Variants in MBNL3 observed in about 807,000 individuals in gnomAD.
The protein encoded by MBNL3 is muscleblind-like protein 3.
MBNL3 carries 6 observed loss-of-function variants against 24.5 expected under a neutral mutation model. The ratio of observed to expected loss-of-function variants is 0.25; its 90% CI spans 0.13 to 0.48. The LOEUF (loss-of-function observed/expected upper bound fraction) is 0.48. Among genes scored for constraint, MBNL3 ranks in the 20% least tolerant of loss-of-function variants. The pLI is 0.99. For missense variants in MBNL3, 230 were observed against 293.5 expected (o/e 0.78, Z 1.58); for synonymous variants, 100 against 101.7 (o/e 0.98, Z 0.10).
Position 132,371,796 on chromosome X carries a change from C to T in MBNL3, c.*7870G>A, listed in dbSNP as rs1364925812. The T allele has an allele frequency of 1.5e-4, 17 of 111,156 alleles. No individual in the cohort carries two copies. Among genetic ancestry groups the T allele is most frequent in the African/African-American group, 6.5e-5 (2 of 30,631 alleles). 9.2% of individuals were successfully genotyped at this position (111,156 alleles called of 1,213,427 possible). On this transcript the variant is annotated 3_prime_UTR_variant, in exon 9 of 9. Coordinates refer to ENST00000370853, the MANE Select transcript of MBNL3 (RefSeq NM_001386889.1). ...TATAAGAGTAATAGGTCTAACACAA[C>T]GGATATATTATCTACATAATTCAAA...
At chrX:132,431,728 A>G (rs1055209268) in intron 2 of MBNL3, 2 of 112,045 alleles carry the variant, frequency 1.8e-5, no homozygotes, top group Non-Finnish European at 3.8e-5. Context: ...AAATGAAAGC[A>G]TACATAATAA....
chrX:132,465,444 A>G (rs1411387562), intron 1 of MBNL3, among the ~76,000 whole-genome samples: 4 of 112,428 alleles, frequency 3.6e-5, no homozygotes, highest in Non-Finnish European at 7.5e-5. Flanking sequence ...TCTGTATTAT[A>G]GCACAGGGTA....
chrX:132,379,203 G>T lies in MBNL3; in HGVS notation c.*463C>A, dbSNP rs1357679026. 1 of 116,874 alleles carries T rather than the reference G, an allele frequency of 8.6e-6. No individual in the cohort carries two copies. The highest frequency in any genetic ancestry group is 1.8e-5 in the Non-Finnish European group (1 of 56,746). The allele number at this position is 116,874 out of a possible 1,213,427, so 9.6% of individuals were successfully genotyped here. ...CACAGCACAACACAATACAACACAA[G>T]AAATGGTACTGAATATATTTGTTAC... On this transcript the variant is annotated 3_prime_UTR_variant, in exon 9 of 9. Coordinates refer to ENST00000370853, the MANE Select transcript of MBNL3 (RefSeq NM_001386889.1).
intron 1 of MBNL3, among the ~76,000 whole-genome samples, chrX:132,443,503 C>G (rs757207565): frequency 8.9e-6 from 1 of 112,005 alleles, no homozygotes; most frequent in Admixed American, 9.5e-5. Context: ...TGTGCTCAAC[C>G]AACATTTATC....
chrX:132,418,105 G>A (rs759829277), intron 2 of MBNL3, among the ~76,000 whole-genome samples: 2 of 111,998 alleles, frequency 1.8e-5, no homozygotes, highest in Non-Finnish European at 3.8e-5. Flanking sequence ...TGAGACAATT[G>A]TTGATACACA....
At chrX:132,396,429 C>T in intron 3 of MBNL3, among the ~76,000 whole-genome samples, 1 of 73,722 alleles carries the variant, frequency 1.4e-5, no homozygotes, top group Non-Finnish European at 2.5e-5. Flanking sequence ...TATATATATT[C>T]CTATATATAT....
Position 132,439,751 on chromosome X carries a change from G to GT in MBNL3, c.-141_-140insA. ...TGAAATGTCTATTTGTTAACACTTAGGTTTTCATTAAAGTCAAATCTGGTC... is the reference window on the plus strand; with the variant it reads ...TGAAATGTCTATTTGTTAACACTTAGTGTTTTCATTAAAGTCAAATCTGGTC... On this transcript the variant is annotated 5_prime_UTR_variant, in exon 2 of 9. The change abolishes the stop of an existing upstream ORF in the 5' untranslated region. Transcript: ENST00000370853. 1.1e-6 allele frequency: 1 copy of GT among 913,592 alleles called. No individual in the cohort carries two copies. Among genetic ancestry groups the GT allele is most frequent in the South Asian group, 5.0e-5 (1 of 19,864 alleles). 75.3% of individuals were successfully genotyped at this position (913,592 alleles called of 1,213,427 possible).
intron 1 of MBNL3, among the ~76,000 whole-genome samples, chrX:132,448,373 A>C (rs1039951249): frequency 2.7e-5 from 3 of 111,239 alleles, no homozygotes; most frequent in African/African-American, 3.3e-5. Flanking sequence ...TAGTCTTGGG[A>C]GGGTGCATGT....
intron 1 of MBNL3, among the ~76,000 whole-genome samples, chrX:132,447,179 A>G (rs1945771636): frequency 8.9e-6 from 1 of 111,820 alleles, no homozygotes; most frequent in African/African-American, 3.3e-5. Flanking sequence ...GTTTGAAGTC[A>G]GGTAGCGTGA....
chrX:132,449,072 A>G (rs1454332375), intron 1 of MBNL3, among the ~76,000 whole-genome samples: 1 of 111,708 alleles, frequency 9.0e-6, no homozygotes, highest in Non-Finnish European at 1.9e-5. Flanking sequence ...GGTCAATTTT[A>G]GAATAAGTGC....
At chrX:132,440,504 C>G (rs1945336519) in intron 1 of MBNL3, among the ~76,000 whole-genome samples, 190 bp from the exon 2 acceptor site, 1 of 111,537 alleles carries the variant, frequency 9.0e-6, no homozygotes, top group Admixed American at 9.5e-5. Flanking sequence ...ATAGTAAAAG[C>G]AAGCAACTGC....
intron 1 of MBNL3, among the ~76,000 whole-genome samples, chrX:132,444,740 A>G (rs1393098031): frequency 8.9e-6 from 1 of 112,037 alleles, no homozygotes; most frequent in Non-Finnish European, 1.9e-5. Context: ...GTAGAAACTT[A>G]TATTTTAAAA....
intron 2 of MBNL3, among the ~76,000 whole-genome samples, chrX:132,435,123 G>A (rs765901227): frequency 9.0e-6 from 1 of 111,521 alleles, no homozygotes; most frequent in African/African-American, 3.3e-5. Context: ...CGGTGCAGAA[G>A]TAATTGCAGT....
At chrX:132,397,802 T>C (rs1413715244) in intron 3 of MBNL3, among the ~76,000 whole-genome samples, 2 of 111,010 alleles carry the variant, frequency 1.8e-5, no homozygotes, top group Non-Finnish European at 3.8e-5. Flanking sequence ...TTGAATAATC[T>C]CTCTTTCACA....
chrX:132,453,856 C>T (rs1344025261), intron 1 of MBNL3, among the ~76,000 whole-genome samples: 1 of 111,045 alleles, frequency 9.0e-6, no homozygotes, highest in Non-Finnish European at 1.9e-5. Context: ...CTTTGGGAGA[C>T]TGAGGCGGGC....
rs1461700408 is a variant in MBNL3, at chrX:132,370,888, G to T, written c.*8778C>A. 3 of 111,643 alleles carry T rather than the reference G, an allele frequency of 2.7e-5. No individual in the cohort carries two copies. The highest frequency in any genetic ancestry group is 9.5e-5 in the Admixed American group (1 of 10,482). The allele number at this position is 111,643 out of a possible 1,213,427, so 9.2% of individuals were successfully genotyped here. A position where few individuals can be genotyped will look rare whatever the true frequency, so the allele number is the denominator to read the frequency against. On this transcript the variant is annotated 3_prime_UTR_variant, in exon 9 of 9. Transcript: ENST00000370853. ...GGTTTACATCTGGTTTTGCCTGTGG[G>T]TCAACTTTCTTCCAGCCAATAGAAA...
rs180883066 is a variant in MBNL3 at position 132,406,163 on chromosome X, G to A, written c.342+65C>T. 1.1e-3 allele frequency: 1,275 copies of A among 1,150,765 alleles called. 12 individuals are homozygous for A. In the African/African-American group the frequency reaches 0.019, roughly 18 times the overall value. 94.8% of individuals were successfully genotyped at this position (1,150,765 alleles called of 1,213,427 possible). A position where few individuals can be genotyped will look rare whatever the true frequency, so the allele number is the denominator to read the frequency against. On this transcript the variant is annotated intron_variant, in intron 3 of 8. Coordinates refer to ENST00000370853, the MANE Select transcript of MBNL3 (RefSeq NM_001386889.1). The stretch of plus-strand genomic sequence containing the variant: ...ATCCTGTTGCAACTAATTTCCCCAA[G>A]TCCCTGCCAGGTTATTCCACTGTTG...
chrX:132,485,983 T>G (rs1328644551), intron 1 of MBNL3, among the ~76,000 whole-genome samples: 1 of 112,064 alleles, frequency 8.9e-6, no homozygotes, highest in Non-Finnish European at 1.9e-5. Flanking sequence ...TAAAGGTGAG[T>G]GTAGCCTTCA....
intron 1 of MBNL3, among the ~76,000 whole-genome samples, chrX:132,442,686 C>A (rs5933156): frequency 0.4 from 44,164 of 111,801 alleles, 7,988 homozygotes; most frequent in African/African-American, 0.72. Flanking sequence ...CAAATGAAAA[C>A]TGCAAAAAAG....
Sources: gnomAD v4.1 joint callset for allele counts (sites outside exome capture counted in the v4.1 genomes callset) on GRCh38, gnomAD v4.1.1 for gene constraint, MANE v1.5 for transcripts, NCBI Gene and HGNC (gene_info 2026-07-23, HGNC 2026-07-21) for gene names.